The following PTGES3 variants were observed in gnomAD, a reference collection of about 807,000 sequenced individuals.
PTGES3 encodes the protein prostaglandin E synthase 3.
In PTGES3, 5 loss-of-function variants were observed where a neutral mutation model predicts 29.9. The ratio of observed to expected loss-of-function variants is 0.17; its 90% CI spans 0.09 to 0.35. The LOEUF (loss-of-function observed/expected upper bound fraction) is 0.35, where lower values mean the gene tolerates loss of function less well. Ranked by LOEUF, PTGES3 falls within the 10% of genes least tolerant of loss-of-function variation. The probability of loss-of-function intolerance (pLI) is 1.00; values close to 1 mark genes in which losing one functional copy is unlikely to be tolerated. For synonymous variants in PTGES3, 49 were observed against 57.8 expected (o/e 0.85, Z 0.69); for missense variants, 128 against 190.0 (o/e 0.67, Z 1.92).
In PTGES3 at chr12:56,670,569, T is replaced by C. The variant is rs186150387; in HGVS notation, c.286-205A>G. ...TCCGTTTCTGACCAAGGGTCTTGTT[T>C]ACCCTCTTCAGGCAACCTGGTGGTC... On this transcript the variant is annotated intron_variant, in intron 4 of 7. Transcript: ENST00000262033. 2,325 of 521,680 alleles carry C rather than the reference T, an allele frequency of 4.5e-3. 15 individuals carry two copies. Among genetic ancestry groups the C allele is most frequent in the Middle Eastern group, 5.2e-3 (10 of 1,928 alleles). 32.3% of individuals were successfully genotyped at this position (521,680 alleles called of 1,614,324 possible).
At chr12:56,677,162 C>A (rs1349694247) in intron 1 of PTGES3, among the ~76,000 whole-genome samples, 1 of 150,800 alleles carries the variant, frequency 6.6e-6, no homozygotes, top group Non-Finnish European at 1.5e-5. Flanking sequence ...ATTGCTTGAA[C>A]ATGAAAGGCA....
intron 1 of PTGES3, chr12:56,687,376 G>C (rs1043800073): frequency 1.0e-5 from 10 of 987,660 alleles, no homozygotes; most frequent in Admixed American, 1.2e-4. Context: ...AACCTCCCGT[G>C]TTTTCAAGAG....
intron 1 of PTGES3, chr12:56,686,816 G>A (rs1952885328): frequency 2.5e-6 from 1 of 398,018 alleles, no homozygotes; most frequent in Admixed American, 4.4e-5. Context: ...TAGATTTCTA[G>A]CCAATATACT....
chr12:56,665,307 G>C (rs1304567635), intron 6 of PTGES3: 26 of 894,708 alleles, frequency 2.9e-5, no homozygotes, highest in Non-Finnish European at 3.1e-5. Context: ...TTTTTTTTGG[G>C]TGGGGGGAGA....
chr12:56,666,047 G>A lies in PTGES3; in HGVS notation c.438+157C>T, dbSNP rs923238278. The A allele has an allele frequency of 3.4e-5, 47 of 1,386,988 alleles. No homozygotes were observed. In the Middle Eastern group the frequency reaches 1.4e-3, roughly 40 times the overall value. The allele number at this position is 1,386,988 out of a possible 1,614,324, so 85.9% of individuals were successfully genotyped here. A position where few individuals can be genotyped will look rare whatever the true frequency, so the allele number is the denominator to read the frequency against. On this transcript the variant is annotated intron_variant, in intron 6 of 7. Transcript: ENST00000262033. ...AGTTCCCTAATAGATACCCCCATTCGTCAAAAATGGGCACATTTTAAAAAT... is the reference window on the plus strand; with the variant it reads ...AGTTCCCTAATAGATACCCCCATTCATCAAAAATGGGCACATTTTAAAAAT...
chr12:56,686,923 A>C (rs1220528450), intron 1 of PTGES3: 2 of 397,734 alleles, frequency 5.0e-6, no homozygotes, highest in African/African-American at 2.1e-5. Flanking sequence ...GGAGTCTAAA[A>C]CAAAAGAAAA....
chr12:56,666,087 C>T, intron 6 of PTGES3, 117 bp downstream of exon 6: 2 of 1,383,408 alleles, frequency 1.4e-6, no homozygotes, highest in South Asian at 3.5e-5. Context: ...TTTCCCTTTT[C>T]TTTTTTTTTA....
intron 4 of PTGES3, 160 bp from the exon 5 acceptor site, chr12:56,670,524 A>G (rs1194066023): frequency 1.5e-5 from 9 of 598,342 alleles, no homozygotes; most frequent in East Asian, 2.9e-5. Context: ...CTATTGATCA[A>G]TATGTGAGTT....
In PTGES3 at chr12:56,664,368, C is replaced by A; in HGVS notation, c.*111G>T. ...AGGTTGAAAAATGGGTTAAAGTAGG[C>A]AAATACAGCATATCTGCCTTTAGAG... On this transcript the variant is annotated 3_prime_UTR_variant, in exon 8 of 8. Transcript: ENST00000262033. 1 of 1,284,308 alleles carries A rather than the reference C, an allele frequency of 7.8e-7. No homozygotes were observed. Among genetic ancestry groups the A allele is most frequent in the Non-Finnish European group, 1.1e-6 (1 of 910,694 alleles). The allele number at this position is 1,284,308 out of a possible 1,614,324, so 79.6% of individuals were successfully genotyped here.
chr12:56,667,257 C>G (rs1027801424), intron 5 of PTGES3, among the ~76,000 whole-genome samples: 2 of 152,086 alleles, frequency 1.3e-5, no homozygotes, highest in Admixed American at 6.6e-5. Context: ...TGTGAAGAAC[C>G]AAGAAATGAT....
chr12:56,680,010 T>C (rs1381264748), intron 1 of PTGES3, among the ~76,000 whole-genome samples: 1 of 151,980 alleles, frequency 6.6e-6, no homozygotes, highest in Non-Finnish European at 1.5e-5. Context: ...AGAGATGGTG[T>C]AATCCTCATG....
chr12:56,671,619 A>G (rs906765185), intron 4 of PTGES3, 130 bp downstream of exon 4: 1 of 476,350 alleles, frequency 2.1e-6, no homozygotes. Context: ...TAGACAAAAA[A>G]CATGAACATG....
At chr12:56,667,795 T>C (rs373663279) in intron 5 of PTGES3, among the ~76,000 whole-genome samples, 16 of 152,332 alleles carry the variant, frequency 1.1e-4, no homozygotes, top group Middle Eastern at 3.4e-3. Flanking sequence ...TTAACAATAC[T>C]GTATCATGCA....
intron 1 of PTGES3, among the ~76,000 whole-genome samples, chr12:56,678,006 G>A (rs543298131): frequency 2.3e-4 from 35 of 152,066 alleles, no homozygotes; most frequent in Non-Finnish European, 3.8e-4. Flanking sequence ...AATATCTTAC[G>A]GTTTCCCTGA....
intron 6 of PTGES3, chr12:56,665,019 C>T (rs1305735968): frequency 1.3e-5 from 13 of 985,192 alleles, no homozygotes; most frequent in Non-Finnish European, 1.4e-5. Flanking sequence ...TGATGTGTGC[C>T]TTTTGGTGAC....
chr12:56,665,214 T>C, intron 6 of PTGES3: 5 of 985,336 alleles, frequency 5.1e-6, no homozygotes, highest in Non-Finnish European at 6.0e-6. Flanking sequence ...GTTAACAGGA[T>C]GCTGGGGTTG....
intron 1 of PTGES3, among the ~76,000 whole-genome samples, chr12:56,674,046 TCTC>T (rs1353103254): frequency 6.6e-6 from 1 of 152,128 alleles, no homozygotes; most frequent in African/African-American, 2.4e-5. Flanking sequence ...GGAGAATCAA[TCTC>T]CTTTCCTCAA....
intron 1 of PTGES3, among the ~76,000 whole-genome samples, chr12:56,676,603 A>G (rs1195178500): frequency 4.6e-5 from 7 of 152,112 alleles, no homozygotes. Flanking sequence ...AGAGTGCTCA[A>G]AAGACGGAAT....
At chr12:56,683,123 G>A (rs112880716) in intron 1 of PTGES3, among the ~76,000 whole-genome samples, 2,087 of 152,068 alleles carry the variant, frequency 0.014, 51 homozygotes, top group African/African-American at 0.048. Flanking sequence ...TCTGAGGCGC[G>A]TGGATCATGA....
Sources: gnomAD v4.1 joint callset for allele counts (sites outside exome capture counted in the v4.1 genomes callset) on GRCh38, gnomAD v4.1.1 for gene constraint, MANE v1.5 for transcripts, NCBI Gene and HGNC (gene_info 2026-07-23, HGNC 2026-07-21) for gene names.